FBN1: variants seen among roughly 807,000 people sequenced by gnomAD.
The protein encoded by FBN1 is fibrillin-1.
Under a neutral mutation model 365.1 loss-of-function variants are expected in FBN1, and 29 were observed. The observed-to-expected ratio is 0.08, with a 90% CI of 0.06 to 0.11. The LOEUF (loss-of-function observed/expected upper bound fraction) is 0.11, where lower values mean the gene tolerates loss of function less well. Among genes scored for constraint, FBN1 ranks in the 10% least tolerant of loss-of-function variants. FBN1 has a pLI of 1.00. For missense variants in FBN1, 2,476 were observed against 3,703.2 expected (o/e 0.67, Z 8.60); for synonymous variants, 1,210 against 1,270.5 (o/e 0.95, Z 1.01).
Position 48,598,730 on chromosome 15 carries a change from C to T in FBN1, c.442+1409G>A, listed in dbSNP as rs903250892. ...CCAAGGATCACCCACACTGCGGAGG[C>T]TGCCTCTCCTCTCTCCAGGCTGGGC... On this transcript the variant is annotated intron_variant, in intron 5 of 65. Coordinates refer to ENST00000316623, the MANE Select transcript of FBN1 (RefSeq NM_000138.5). Among the ~76,000 whole-genome samples, 6 of 152,216 alleles carry T rather than the reference C, an allele frequency of 3.9e-5. No homozygotes were observed. The South Asian group carries it at 1.2e-3, about 32-fold the overall frequency.
chr15:48,587,427 A>C (rs2044445722), intron 6 of FBN1, among the ~76,000 whole-genome samples: 1 of 152,224 alleles, frequency 6.6e-6, no homozygotes, highest in Admixed American at 6.5e-5. Context: ...GTTCAATAGA[A>C]TGGAAGGGCA....
intron 2 of FBN1, among the ~76,000 whole-genome samples, chr15:48,637,667 A>T (rs1230096669): frequency 6.6e-6 from 1 of 152,190 alleles, no homozygotes; most frequent in Non-Finnish European, 1.5e-5. Flanking sequence ...TAATCAGCTC[A>T]TCAAAATTGC....
chr15:48,557,386 C>CG (rs1469674823), intron 6 of FBN1, among the ~76,000 whole-genome samples: 2 of 152,130 alleles, frequency 1.3e-5, no homozygotes, highest in Non-Finnish European at 2.9e-5. Flanking sequence ...CTCTGGATGC[C>CG]GGCCTGATAC....
chr15:48,522,028 G>A (rs886394652), intron 9 of FBN1, among the ~76,000 whole-genome samples: 2 of 152,188 alleles, frequency 1.3e-5, no homozygotes, highest in African/African-American at 2.4e-5. Context: ...TGTCAGATCA[G>A]TGGCAGCACT....
chr15:48,445,103 T>C (rs2141248573), intron 48 of FBN1, among the ~76,000 whole-genome samples: 1 of 145,152 alleles, frequency 6.9e-6, no homozygotes, highest in South Asian at 2.2e-4. Flanking sequence ...AGGGAAAAAG[T>C]GATTATATAT....
intron 24 of FBN1, among the ~76,000 whole-genome samples, chr15:48,491,641 G>A (rs1001495372): frequency 2.0e-5 from 3 of 150,176 alleles, no homozygotes; most frequent in Admixed American, 6.6e-5. Flanking sequence ...GTGAGCCATC[G>A]CACCCGGCCC....
intron 56 of FBN1, 135 bp downstream of exon 56, chr15:48,430,536 A>G (rs1312769352): frequency 1.1e-6 from 1 of 909,508 alleles, no homozygotes; most frequent in Non-Finnish European, 1.8e-6. Context: ...ACCACCATGG[A>G]GAGTCCTGAC....
At chr15:48,549,263 A>G (rs566283656) in intron 6 of FBN1, among the ~76,000 whole-genome samples, 1 of 152,354 alleles carries the variant, frequency 6.6e-6, no homozygotes, top group South Asian at 2.1e-4. Context: ...TCTGAACACA[A>G]TTAAGTGAGC....
chr15:48,564,270 T>C (rs934590858), intron 6 of FBN1, among the ~76,000 whole-genome samples: 1 of 152,190 alleles, frequency 6.6e-6, no homozygotes, highest in African/African-American at 2.4e-5. Context: ...CAACAGTCAC[T>C]TGAGAAGGCT....
At chr15:48,416,210 C>T (rs1303166928) in intron 63 of FBN1, among the ~76,000 whole-genome samples, 1 of 152,156 alleles carries the variant, frequency 6.6e-6, no homozygotes, top group Non-Finnish European at 1.5e-5. Context: ...AAGTGCCCAG[C>T]GAGGAGACAA....
At chr15:48,521,443 C>T (rs1481421403) in intron 9 of FBN1, among the ~76,000 whole-genome samples, 2 of 152,154 alleles carry the variant, frequency 1.3e-5, no homozygotes, top group South Asian at 2.1e-4. Context: ...TTATTTATAA[C>T]TTCAAAATGG....
chr15:48,544,812 A>G (rs1472322523), intron 6 of FBN1, among the ~76,000 whole-genome samples: 1 of 152,230 alleles, frequency 6.6e-6, no homozygotes, highest in Non-Finnish European at 1.5e-5. Flanking sequence ...ACAAGTCATT[A>G]CTGACTTTCA....
intron 6 of FBN1, among the ~76,000 whole-genome samples, chr15:48,571,413 T>C (rs912327003): frequency 1.2e-4 from 18 of 152,180 alleles, no homozygotes; most frequent in African/African-American, 4.3e-4. Flanking sequence ...TATTGAATCT[T>C]TGAAAGCACA....
Position 48,425,422 on chromosome 15 carries a change from T to C in FBN1, c.7400A>G (p.Gln2467Arg), listed in dbSNP as rs770839761. The stretch of plus-strand genomic sequence containing the variant: ...AATGTAGCCTTTCGGGCATGAACAC[T>C]GGTAACTCCCTTCTGTGTTTTTGCA... Reference protein sequence around the residue: ...FICKNTEGSYQCSCPKGYILQ... With the variant: ...FICKNTEGSYRCSCPKGYILQ... Residue 2467 changes from glutamine (Q) to arginine (R), a missense_variant, in exon 60 of 66, where the codon CAG becomes CGG. Physicochemically the swap from Gln to Arg is conservative, Grantham distance 43 (BLOSUM62 1). Transcript: ENST00000316623. The C allele has an allele frequency of 3.5e-5, 57 of 1,614,068 alleles. No homozygotes were observed. The highest frequency in any genetic ancestry group is 4.6e-5 in the Non-Finnish European group (54 of 1,180,006).
At chr15:48,581,255 T>G (rs996923415) in intron 6 of FBN1, among the ~76,000 whole-genome samples, 2 of 152,186 alleles carry the variant, frequency 1.3e-5, no homozygotes, top group African/African-American at 4.8e-5. Context: ...TTCCAGTAGT[T>G]TTTATATGAC....
intron 6 of FBN1, among the ~76,000 whole-genome samples, chr15:48,551,956 C>CA (rs2044145656): frequency 1.3e-5 from 2 of 152,122 alleles, no homozygotes; most frequent in Admixed American, 1.3e-4. Context: ...AATAGTGCTG[C>CA]AATGAGCATA....
At chr15:48,601,181 C>A (rs186753513) in intron 4 of FBN1, among the ~76,000 whole-genome samples, 2 of 152,276 alleles carry the variant, frequency 1.3e-5, no homozygotes, top group Admixed American at 1.3e-4. Flanking sequence ...AGACCCCAGA[C>A]AATGAGACAC....
chr15:48,453,731 G>A (rs1197332021), intron 44 of FBN1, among the ~76,000 whole-genome samples: 5 of 152,074 alleles, frequency 3.3e-5, no homozygotes, highest in Non-Finnish European at 7.4e-5. Context: ...TGATGATGGG[G>A]GAGGCTGTGC....
At chr15:48,428,624 C>T (rs1271669087) in intron 56 of FBN1, among the ~76,000 whole-genome samples, 153 bp from the exon 57 acceptor site, 1 of 151,818 alleles carries the variant, frequency 6.6e-6, no homozygotes, top group Non-Finnish European at 1.5e-5. Context: ...TCCCTCTCAC[C>T]TTCCTTCCCT....
Sources: allele counts gnomAD v4.1 joint callset (sites outside exome capture counted in the v4.1 genomes callset), GRCh38; gene constraint gnomAD v4.1.1; transcripts MANE v1.5; gene names NCBI Gene and HGNC (gene_info 2026-07-23, HGNC 2026-07-21).